Variants in DAB1 observed in about 807,000 individuals in gnomAD.
DAB1 encodes the protein disabled homolog 1.
Under a neutral mutation model 64.6 loss-of-function variants are expected in DAB1, and 15 were observed. That is an observed-to-expected ratio of 0.23 (90% CI 0.16 to 0.36). The LOEUF (loss-of-function observed/expected upper bound fraction) is 0.36. Among genes scored for constraint, DAB1 ranks in the 10% least tolerant of loss-of-function variants. The pLI, the probability that DAB1 is intolerant of heterozygous loss-of-function variation, is 1.00. For missense variants in DAB1, 596 were observed against 706.7 expected, an observed-to-expected ratio of 0.84 and a Z score of 1.78; for synonymous variants, 235 against 251.9, an observed-to-expected ratio of 0.93 and a Z score of 0.64.
chr1:58,231,095 C>T (rs999331617), intron 4 of DAB1, among the ~76,000 whole-genome samples: 2 of 152,184 alleles, frequency 1.3e-5, no homozygotes, highest in African/African-American at 4.8e-5. Context: ...ATGTAAAGTA[C>T]TTAAAAGAAT....
At chr1:57,398,868 C>A (rs1202788567) in intron 1 of DAB1, among the ~76,000 whole-genome samples, 1 of 152,200 alleles carries the variant, frequency 6.6e-6, no homozygotes, top group Non-Finnish European at 1.5e-5. Flanking sequence ...AATTACATTT[C>A]ATTTTCTGTG....
chr1:57,874,311 A>G (rs532200959), intron 1 of DAB1: 210 of 152,324 alleles, frequency 1.4e-3, no homozygotes, highest in African/African-American at 4.2e-3. Flanking sequence ...GTTTCTTTGC[A>G]AGGCTTTAAA....
At chr1:57,591,462 C>T (rs1044765633) in intron 7 of DAB1, among the ~76,000 whole-genome samples, 2 of 152,126 alleles carry the variant, frequency 1.3e-5, no homozygotes, top group African/African-American at 2.4e-5. Flanking sequence ...TGTGGTAATA[C>T]CCAAATCAAT....
chr1:57,134,740 T>C (rs1276665811), intron 4 of DAB1, among the ~76,000 whole-genome samples: 1 of 152,164 alleles, frequency 6.6e-6, no homozygotes, highest in Non-Finnish European at 1.5e-5. Flanking sequence ...ATAGGCATCA[T>C]TGTTAAACAA....
intron 7 of DAB1, among the ~76,000 whole-genome samples, chr1:57,599,715 T>C: frequency 6.6e-6 from 1 of 152,078 alleles, no homozygotes; most frequent in East Asian, 1.9e-4. Context: ...AGTCACTCAT[T>C]CCCCAGTTTA....
At chr1:57,865,726 T>C (rs1373667952) in intron 1 of DAB1, among the ~76,000 whole-genome samples, 2 of 152,192 alleles carry the variant, frequency 1.3e-5, no homozygotes, top group African/African-American at 4.8e-5. Context: ...TTCAGTATTT[T>C]AAAAGCACAA....
intron 5 of DAB1, among the ~76,000 whole-genome samples, chr1:58,065,970 T>C (rs752633684): frequency 6.6e-6 from 1 of 152,202 alleles, no homozygotes; most frequent in South Asian, 2.1e-4. Context: ...GGTTAGCAAG[T>C]GCAAGCTGTC....
chr1:58,403,675 C>T (rs1029447046), intron 3 of DAB1, among the ~76,000 whole-genome samples: 3 of 152,190 alleles, frequency 2.0e-5, no homozygotes, highest in Admixed American at 6.5e-5. Flanking sequence ...CCCACTTTCA[C>T]GGGGTTGTGA....
intron 1 of DAB1, among the ~76,000 whole-genome samples, chr1:57,376,991 A>G (rs1322251458): frequency 6.6e-6 from 1 of 152,192 alleles, no homozygotes; most frequent in Non-Finnish European, 1.5e-5. Flanking sequence ...GCCACTGTCC[A>G]GGTGCCGGTG....
In DAB1 at chr1:58,018,076, T is replaced by TGTGCTTTTTACTGCATTCTAA. The variant is rs72400108; in HGVS notation, n.387+132414_387+132434dup. Reference sequence around the variant, plus strand: ...AGTAAGACTTTCTGATCATGATGCTTGTGCTTTTTACTGCATTCTAAGTGC... The same window carrying TGTGCTTTTTACTGCATTCTAA: ...AGTAAGACTTTCTGATCATGATGCTTGTGCTTTTTACTGCATTCTAAGTGCTTTTTACTGCATTCTAAGTGC... On this transcript the variant is annotated intron_variant and non_coding_transcript_variant, in intron 5 of 20. Coordinates refer to the DAB1 transcript ENST00000485760. Among the ~76,000 whole-genome samples, 677 of 151,920 alleles carry TGTGCTTTTTACTGCATTCTAA rather than the reference T, an allele frequency of 4.5e-3. 8 individuals are homozygous for TGTGCTTTTTACTGCATTCTAA. Among genetic ancestry groups the TGTGCTTTTTACTGCATTCTAA allele is most frequent in the African/African-American group, 0.016 (650 of 41,320 alleles).
At chr1:58,320,118 C>T (rs917342716) in intron 4 of DAB1, among the ~76,000 whole-genome samples, 1 of 152,234 alleles carries the variant, frequency 6.6e-6, no homozygotes, top group South Asian at 2.1e-4. Flanking sequence ...CTGCAAGAAG[C>T]TCACATCTTA....
At chr1:58,431,560 A>G (rs985667207) in intron 3 of DAB1, among the ~76,000 whole-genome samples, 10 of 103,322 alleles carry the variant, frequency 9.7e-5, no homozygotes, top group African/African-American at 2.1e-4. Context: ...TCCATCTGGA[A>G]AAAAAAAAAA....
intron 3 of DAB1, among the ~76,000 whole-genome samples, chr1:58,411,822 C>G (rs530345715): frequency 1.3e-5 from 2 of 152,286 alleles, no homozygotes; most frequent in East Asian, 3.9e-4. Flanking sequence ...CCCTAATTTA[C>G]TTTTGCAAAT....
chr1:57,976,112 CA>C (rs1380669793), intron 5 of DAB1, among the ~76,000 whole-genome samples: 3 of 152,298 alleles, frequency 2.0e-5, no homozygotes, highest in African/African-American at 7.2e-5. Flanking sequence ...ACCTTGGGAC[CA>C]GGAGCTTCAG....
chr1:58,023,708 AAAC>A (rs748615797), intron 5 of DAB1, among the ~76,000 whole-genome samples: 4 of 152,194 alleles, frequency 2.6e-5, no homozygotes, highest in Non-Finnish European at 5.9e-5. Context: ...GTTGTGAGAT[AAAC>A]AACGATATAT....
At chr1:57,495,139 G>A (rs573351165) in intron 7 of DAB1, among the ~76,000 whole-genome samples, 7 of 152,260 alleles carry the variant, frequency 4.6e-5, no homozygotes, top group African/African-American at 7.2e-5. Flanking sequence ...TGCCCCCAAA[G>A]CTCAATGTGA....
At chr1:57,601,271 G>A (rs1345435850) in intron 7 of DAB1, among the ~76,000 whole-genome samples, 2 of 152,076 alleles carry the variant, frequency 1.3e-5, no homozygotes, top group African/African-American at 4.8e-5. Flanking sequence ...CTAAGCTTCA[G>A]CTTCTTTATT....
chr1:57,540,759 T>G (rs1644792088), intron 7 of DAB1, among the ~76,000 whole-genome samples: 1 of 152,144 alleles, frequency 6.6e-6, no homozygotes, highest in African/African-American at 2.4e-5. Flanking sequence ...CAGAAGATCA[T>G]AAGCTGATCT....
chr1:57,307,296 G>T (rs1045830876), intron 1 of DAB1: 36 of 152,164 alleles, frequency 2.4e-4, no homozygotes, highest in African/African-American at 8.7e-4. Context: ...TTGAGTCCAA[G>T]ATCTCTTCTG....
Sources: gnomAD v4.1 joint callset for allele counts (sites outside exome capture counted in the v4.1 genomes callset) on GRCh38, gnomAD v4.1.1 for gene constraint, MANE v1.5 for transcripts, NCBI Gene and HGNC (gene_info 2026-07-23, HGNC 2026-07-21) for gene names.